The following SLC4A10 variants were observed in gnomAD, a reference collection of about 807,000 sequenced individuals.
SLC4A10 encodes sodium-driven chloride bicarbonate exchanger.
A neutral mutation model predicts 137.7 loss-of-function variants in SLC4A10; 42 were observed. The observed-to-expected ratio is 0.30, with a 90% CI of 0.24 to 0.39. The LOEUF (loss-of-function observed/expected upper bound fraction) is 0.39, where lower values mean the gene tolerates loss of function less well. SLC4A10 is among the 10% of genes least tolerant of loss of function. The probability of loss-of-function intolerance (pLI) is 1.00; values close to 1 mark genes in which losing one functional copy is unlikely to be tolerated. For synonymous variants in SLC4A10, 474 were observed against 464.1 expected (o/e 1.02, Z -0.27); for missense variants, 925 against 1,355.0 (o/e 0.68, Z 4.98).
chr2:161,662,187 TA>T (rs2038509229), intron 1 of SLC4A10, among the ~76,000 whole-genome samples: 1 of 152,174 alleles, frequency 6.6e-6, no homozygotes, highest in Non-Finnish European at 1.5e-5. Flanking sequence ...AGATTGTATC[TA>T]AATTGTTTTA....
chr2:161,765,033 A>T (rs575701551), intron 1 of SLC4A10, among the ~76,000 whole-genome samples: 2 of 152,260 alleles, frequency 1.3e-5, no homozygotes, highest in Admixed American at 6.5e-5. Context: ...AGTCTTTACC[A>T]GTGCTTTTCA....
At chr2:161,792,458 A>G (rs2054304537) in intron 2 of SLC4A10, among the ~76,000 whole-genome samples, 1 of 147,816 alleles carries the variant, frequency 6.8e-6, no homozygotes, top group Non-Finnish European at 1.5e-5. Context: ...TGAGACTTAA[A>G]TATGTTCTTA....
intron 3 of SLC4A10, among the ~76,000 whole-genome samples, chr2:161,810,636 G>GA (rs2125632395): frequency 6.6e-6 from 1 of 152,060 alleles, no homozygotes; most frequent in South Asian, 2.1e-4. Context: ...ATATGGTTTT[G>GA]ATTTTGATTC....
intron 3 of SLC4A10, among the ~76,000 whole-genome samples, chr2:161,808,713 C>T (rs1418436096): frequency 6.6e-6 from 1 of 152,088 alleles, no homozygotes; most frequent in Non-Finnish European, 1.5e-5. Context: ...TAATGATCTC[C>T]AGCTGCATTC....
chr2:161,696,681 A>G (rs2042549963), intron 1 of SLC4A10, among the ~76,000 whole-genome samples: 1 of 151,904 alleles, frequency 6.6e-6, no homozygotes. Flanking sequence ...TATATGTACC[A>G]CATTTTCTTA....
intron 15 of SLC4A10, among the ~76,000 whole-genome samples, chr2:161,919,425 C>T (rs1463738702): frequency 1.3e-5 from 2 of 152,088 alleles, no homozygotes; most frequent in East Asian, 1.9e-4. Flanking sequence ...GCTGCTCACC[C>T]ATGGCCACCC....
At chr2:161,983,084 CTT>C (rs1232996200) in intron 26 of SLC4A10, 93 bp from the exon 27 acceptor site, 1 of 1,108,350 alleles carries the variant, frequency 9.0e-7, no homozygotes, top group African/African-American at 1.6e-5. Flanking sequence ...TCTTGTGGTG[CTT>C]TGGGGTTGAC....
chr2:161,763,669 C>T (rs1032500536), intron 1 of SLC4A10, among the ~76,000 whole-genome samples: 13 of 152,096 alleles, frequency 8.5e-5, no homozygotes, highest in African/African-American at 3.1e-4. Context: ...TATGGCCTAA[C>T]AGGGGCTATG....
intron 1 of SLC4A10, among the ~76,000 whole-genome samples, chr2:161,660,576 C>CTTTCTTTCTTTCT (rs1558968872): frequency 1.6e-5 from 2 of 127,056 alleles, no homozygotes; most frequent in Non-Finnish European, 3.6e-5. Context: ...TTCTTTCTTT[C>CTTTCTTTCTTTCT]TTTCTTTCTT....
chr2:161,949,298 G>T (rs200953135), intron 18 of SLC4A10, 37 bp downstream of exon 18: 7 of 1,336,900 alleles, frequency 5.2e-6, no homozygotes, highest in South Asian at 2.4e-5. Context: ...CATCTCTCTC[G>T]GTCTAATCTT....
At position 161,916,276 on chromosome 2, in the gene SLC4A10, C is replaced by G. The variant is rs142930402; in HGVS notation, c.1997+10389C>G. Among the ~76,000 whole-genome samples, 45 of 152,346 alleles carry G rather than the reference C, an allele frequency of 3.0e-4. 1 individual carries two copies. In the East Asian group the frequency reaches 5.6e-3, roughly 19 times the overall value. ...CCCCCTCAGTAAATGACAATCCCAT[C>G]CTTTCAGCTGCTCAGACTAAAAAAT... is the stretch of plus-strand genomic sequence containing the variant. On this transcript the variant is annotated intron_variant, in intron 15 of 26. Coordinates refer to ENST00000446997, the MANE Select transcript of SLC4A10 (RefSeq NM_001178015.2).
intron 15 of SLC4A10, among the ~76,000 whole-genome samples, chr2:161,926,008 C>G (rs999793423): frequency 8.6e-5 from 13 of 151,996 alleles, no homozygotes; most frequent in Non-Finnish European, 1.5e-4. Flanking sequence ...TGGTGTGGTG[C>G]TGAAAAAAAT....
intron 1 of SLC4A10, among the ~76,000 whole-genome samples, chr2:161,653,078 A>G (rs1206658653): frequency 6.6e-6 from 1 of 151,768 alleles, no homozygotes; most frequent in Non-Finnish European, 1.5e-5. Context: ...TTCAACTCCC[A>G]CTTATGAATG....
chr2:161,983,088 G>A, intron 26 of SLC4A10, 91 bp from the exon 27 acceptor site: 1 of 1,145,382 alleles, frequency 8.7e-7, no homozygotes, highest in African/African-American at 1.5e-5. Flanking sequence ...GTGGTGCTTT[G>A]GGGTTGACGG....
chr2:161,652,652 G>A (rs918325257), intron 1 of SLC4A10, among the ~76,000 whole-genome samples: 2 of 152,106 alleles, frequency 1.3e-5, no homozygotes, highest in Admixed American at 6.5e-5. Flanking sequence ...GTAAAATACA[G>A]TCTTGTTCAC....
intron 1 of SLC4A10, among the ~76,000 whole-genome samples, chr2:161,711,429 G>A (rs940489306): frequency 6.6e-6 from 1 of 151,820 alleles, no homozygotes; most frequent in Non-Finnish European, 1.5e-5. Context: ...TGAATAAAAT[G>A]GGGGAATAGG....
intron 1 of SLC4A10, among the ~76,000 whole-genome samples, chr2:161,676,125 ATACT>A (rs1291701047): frequency 1.1e-4 from 16 of 152,182 alleles, no homozygotes; most frequent in African/African-American, 3.6e-4. Flanking sequence ...TATGCCTTGT[ATACT>A]TACGTGGGCA....
chr2:161,744,051 T>A (rs1483910169), intron 1 of SLC4A10, among the ~76,000 whole-genome samples: 1 of 152,150 alleles, frequency 6.6e-6, no homozygotes, highest in African/African-American at 2.4e-5. Flanking sequence ...TTACTTTCTT[T>A]CCAAGTATAA....
intron 1 of SLC4A10, among the ~76,000 whole-genome samples, chr2:161,744,633 A>G (rs964761004): frequency 3.3e-5 from 5 of 152,160 alleles, no homozygotes; most frequent in Non-Finnish European, 5.9e-5. Context: ...TGTAAATAAC[A>G]TCTATAACCC....
Sources: allele counts gnomAD v4.1 joint callset (sites outside exome capture counted in the v4.1 genomes callset), GRCh38; gene constraint gnomAD v4.1.1; transcripts MANE v1.5; gene names NCBI Gene and HGNC (gene_info 2026-07-23, HGNC 2026-07-21).